The following PRRC2B variants were observed in gnomAD, a reference collection of about 807,000 sequenced individuals.
PRRC2B encodes the protein proline rich coiled-coil 2B.
In PRRC2B, 68 loss-of-function variants were observed where a neutral mutation model predicts 242.3. The ratio of observed to expected loss-of-function variants is 0.28; its 90% CI spans 0.23 to 0.34. The LOEUF (loss-of-function observed/expected upper bound fraction) is 0.34, where lower values mean the gene tolerates loss of function less well. Ranked by LOEUF, PRRC2B falls within the 10% of genes least tolerant of loss-of-function variation. The probability of loss-of-function intolerance (pLI) is 1.00; values close to 1 mark genes in which losing one functional copy is unlikely to be tolerated. For missense variants in PRRC2B, 2,835 were observed against 2,954.8 expected (o/e 0.96, Z 0.94); for synonymous variants, 1,228 against 1,173.6 (o/e 1.05, Z -0.95).
Position 131,459,312 on chromosome 9 carries a change from C to T in PRRC2B, c.1360C>T (p.Pro454Ser). 2.5e-6 allele frequency: 4 copies of T among 1,613,866 alleles called. No homozygotes were observed. Among genetic ancestry groups the T allele is most frequent in the Non-Finnish European group, 3.4e-6 (4 of 1,179,810 alleles). Residue 454 changes from proline to serine, a missense_variant, in exon 11 of 32, where the codon CCG (proline) becomes TCG (serine). By Grantham distance (74) the Pro-to-Ser change is moderately conservative. Transcript: ENST00000683519. ...VVRKAPDPQP[P>S]PRKLHGWAPG... ...CCGAAAGGCGCCAGACCCTCAGCCA[C>T]CGCCCAGGAAGCTTCATGGCTGGGC...
intron 9 of PRRC2B, among the ~76,000 whole-genome samples, chr9:131,450,802 G>C (rs892908972): frequency 3.9e-5 from 6 of 151,910 alleles, no homozygotes; most frequent in African/African-American, 1.5e-4. Context: ...TGGCCAGGCT[G>C]ATCTCGAACT....
chr9:131,453,487 C>A (rs2131401286), intron 9 of PRRC2B, among the ~76,000 whole-genome samples: 1 of 152,182 alleles, frequency 6.6e-6, no homozygotes, highest in South Asian at 2.1e-4. Context: ...GTCCTCCCAC[C>A]TTAGTCTCCT....
chr9:131,380,894 A>AAAAAAAAAAAAT (rs1404735078), intron 1 of PRRC2B, among the ~76,000 whole-genome samples: 1 of 151,520 alleles, frequency 6.6e-6, no homozygotes, highest in Non-Finnish European at 1.5e-5. Flanking sequence ...TCCAAAAAAA[A>AAAAAAAAAAAAT]AAAAAGAGTG....
At chr9:131,377,657 G>A (rs910809629) in intron 1 of PRRC2B, among the ~76,000 whole-genome samples, 3 of 152,146 alleles carry the variant, frequency 2.0e-5, no homozygotes, top group East Asian at 1.9e-4. Context: ...CGATGCCTAC[G>A]GAATGACAAG....
At chr9:131,467,100 A>AT (rs34941974) in intron 12 of PRRC2B, among the ~76,000 whole-genome samples, 51,432 of 146,304 alleles carry the variant, frequency 0.35, 10,539 homozygotes, top group East Asian at 0.83. Context: ...CGCGCCTGTC[A>AT]TTTTTTGTAC....
chr9:131,470,429 G>C (rs1274106451), intron 13 of PRRC2B, among the ~76,000 whole-genome samples: 1 of 152,150 alleles, frequency 6.6e-6, no homozygotes, highest in Admixed American at 6.5e-5. Context: ...TCAGATGGTA[G>C]CTGCAGACAA....
At position 131,482,943 on chromosome 9, in the gene PRRC2B, T is replaced by C; in HGVS notation, c.5373+36T>C. The C allele has an allele frequency of 1.9e-6, 3 of 1,567,364 alleles. No homozygotes were observed. In the East Asian group the frequency reaches 7.1e-5, roughly 37 times the overall value. On this transcript the variant is annotated intron_variant, in intron 22 of 31. Transcript: ENST00000683519. This position sits in a 1 kb window ranked among gnomAD's most constrained non-coding sequence, Gnocchi z 5.2. ...GATTTGTTTTCTTGCTTGCTTTTTT[T>C]ACTTTTTATTTTGGTACTTGGAGAG...
Position 131,479,405 on chromosome 9 carries a change from G to C in PRRC2B, c.4900+12G>C. 1 of 1,611,850 alleles carries C rather than the reference G, an allele frequency of 6.2e-7. No individual in the cohort carries two copies. The highest frequency in any genetic ancestry group is 8.5e-7 in the Non-Finnish European group (1 of 1,179,174). ...GAGCAGCAGCCAGGGTGAGAGTTGGGGGTGTGACCCCAGCTGTGGCACCCA... is the reference window on the plus strand; with the variant it reads ...GAGCAGCAGCCAGGGTGAGAGTTGGCGGTGTGACCCCAGCTGTGGCACCCA... On this transcript the variant is annotated intron_variant, in intron 19 of 31. Coordinates refer to ENST00000683519, the MANE Select transcript of PRRC2B (RefSeq NM_013318.4).
rs560436051 is a variant in PRRC2B at position 131,492,317 on chromosome 9, G to C, written c.6473+57G>C. The C allele has an allele frequency of 1.6e-3, 2,222 of 1,408,658 alleles. 20 individuals carry two copies. The highest frequency in any genetic ancestry group is 0.013 in the Middle Eastern group (73 of 5,636). 87.3% of individuals were successfully genotyped at this position (1,408,658 alleles called of 1,614,324 possible). A position where few individuals can be genotyped will look rare whatever the true frequency, so the allele number is the denominator to read the frequency against. On this transcript the variant is annotated intron_variant, in intron 30 of 31. Coordinates refer to ENST00000683519, the MANE Select transcript of PRRC2B (RefSeq NM_013318.4). ...GTAGCTGAGCAGTTGCCAGAGCTGC[G>C]GCCCAGTGACTCAGAAGAATCTGGG...
In PRRC2B at chr9:131,494,005, C is replaced by T. The variant is rs575237947; in HGVS notation, c.6474-400C>T. ...GAAAAGTGAAGACTAGAACAATACT[C>T]GGCACAGTTCTGGCTCAGCGTCAGG... On this transcript the variant is annotated intron_variant, in intron 30 of 31. Coordinates refer to ENST00000683519, the MANE Select transcript of PRRC2B (RefSeq NM_013318.4). The surrounding 1 kb of genome is among the most constrained non-coding windows in gnomAD (Gnocchi z 4.3). Among the ~76,000 whole-genome samples the T allele has an allele frequency of 5.4e-4, 82 of 152,322 alleles. No individual in the cohort carries two copies. The highest frequency in any genetic ancestry group is 1.9e-3 in the African/African-American group (80 of 41,564).
Position 131,446,627 on chromosome 9 carries a change from C to T in PRRC2B, c.840C>T (p.Asp280=), listed in dbSNP as rs1838810362. The change falls in exon 7 of 32, where the codon GAC becomes GAT. Residue 280 remains aspartate, a synonymous_variant. Transcript: ENST00000683519. This position sits in a 1 kb window ranked among gnomAD's most constrained non-coding sequence, Gnocchi z 4.1. Reference sequence around the variant, plus strand: ...TATACCACCCACCTACATACCATGACATGCTTCCTGCTTTTGTAAGTCTTC... The same window carrying T: ...TATACCACCCACCTACATACCATGATATGCTTCCTGCTTTTGTAAGTCTTC... The part of the protein sequence containing the change: ...GNVYHPPTYH[D]MLPAFMCSPK... 5 of 1,613,908 alleles carry T rather than the reference C, an allele frequency of 3.1e-6. No homozygotes were observed. Among genetic ancestry groups the T allele is most frequent in the Non-Finnish European group, 4.2e-6 (5 of 1,179,876 alleles).
rs979440565 is a variant in PRRC2B, at chr9:131,487,316, C to T, written c.5984+22C>T. The stretch of plus-strand genomic sequence containing the variant: ...TCAGGTGAGCTCATGTACCAGCTTG[C>T]GGAGCTGGCAGCTCACAGCCAGGGC... On this transcript the variant is annotated intron_variant, in intron 27 of 31. Coordinates refer to ENST00000683519, the MANE Select transcript of PRRC2B (RefSeq NM_013318.4). This position sits in a 1 kb window ranked among gnomAD's most constrained non-coding sequence, Gnocchi z 5.3. 9.9e-6 allele frequency: 15 copies of T among 1,511,020 alleles called. No homozygotes were observed. Among genetic ancestry groups the T allele is most frequent in the Admixed American group, 3.7e-5 (2 of 53,884 alleles). The allele number at this position is 1,511,020 out of a possible 1,614,324, so 93.6% of individuals were successfully genotyped here.
At chr9:131,461,105 C>T (rs530150524) in intron 11 of PRRC2B, among the ~76,000 whole-genome samples, 1 of 152,342 alleles carries the variant, frequency 6.6e-6, no homozygotes, top group African/African-American at 2.4e-5. Flanking sequence ...CTTTCTGTGA[C>T]AGGGAGAATC....
At chr9:131,409,790 G>A (rs977060196) in intron 1 of PRRC2B, among the ~76,000 whole-genome samples, 3 of 152,198 alleles carry the variant, frequency 2.0e-5, no homozygotes, top group African/African-American at 4.8e-5. Flanking sequence ...CTGTTGATGT[G>A]TCAGTGGCCC....
At chr9:131,432,086 G>A (rs1273317323) in intron 2 of PRRC2B, among the ~76,000 whole-genome samples, 5 of 152,084 alleles carry the variant, frequency 3.3e-5, no homozygotes, top group African/African-American at 4.8e-5. Flanking sequence ...GAGCCACCAC[G>A]CCTGGTGTGT....
chr9:131,420,497 T>TCGTTCGTTC (rs72209206), intron 1 of PRRC2B, among the ~76,000 whole-genome samples: 212 of 16,468 alleles, frequency 0.013, 18 homozygotes, highest in Middle Eastern at 0.062. Flanking sequence ...TTCTTTCTTT[T>TCGTTCGTTC]TTTTTTTTTT....
At chr9:131,463,136 C>A (rs1943291802) in intron 11 of PRRC2B, among the ~76,000 whole-genome samples, 1 of 152,044 alleles carries the variant, frequency 6.6e-6, no homozygotes, top group African/African-American at 2.4e-5. Flanking sequence ...ATGGATAGAC[C>A]CTCAGGTTCG....
Position 131,494,266 on chromosome 9 carries a change from G to A in PRRC2B, c.6474-139G>A. The A allele has an allele frequency of 1.7e-6, 1 of 599,306 alleles. No individual in the cohort carries two copies. Among genetic ancestry groups the A allele is most frequent in the Non-Finnish European group, 3.0e-6 (1 of 335,440 alleles). 37.1% of individuals were successfully genotyped at this position (599,306 alleles called of 1,614,324 possible). A position where few individuals can be genotyped will look rare whatever the true frequency, so the allele number is the denominator to read the frequency against. Reference sequence around the variant, plus strand: ...AGGTCTGTGGTTGTTTTCCATCCAAGAGATCCACGGACCGTCCCGAGTGAG... The same window carrying A: ...AGGTCTGTGGTTGTTTTCCATCCAAAAGATCCACGGACCGTCCCGAGTGAG... On this transcript the variant is annotated intron_variant, in intron 30 of 31. Coordinates refer to ENST00000683519, the MANE Select transcript of PRRC2B (RefSeq NM_013318.4). The surrounding 1 kb of genome is among the most constrained non-coding windows in gnomAD (Gnocchi z 4.3).
intron 28 of PRRC2B, among the ~76,000 whole-genome samples, chr9:131,489,693 T>G (rs1944129361): frequency 6.6e-6 from 1 of 152,188 alleles, no homozygotes; most frequent in South Asian, 2.1e-4. Flanking sequence ...ACAGGAGCAG[T>G]GACAGTCTCC....
Sources: gnomAD v4.1 joint callset for allele counts (sites outside exome capture counted in the v4.1 genomes callset) on GRCh38, gnomAD v4.1.1 for gene constraint, Gnocchi (gnomAD v3.1) non-coding constraint, MANE v1.5 for transcripts, NCBI Gene and HGNC (gene_info 2026-07-23, HGNC 2026-07-21) for gene names.